Variants in AKR1C3 observed in about 807,000 individuals in gnomAD.
AKR1C3 encodes aldo-keto reductase family 1 member C3.
AKR1C3 carries 48 observed loss-of-function variants against 43.6 expected under a neutral mutation model. The observed-to-expected ratio is 1.10, with a 90% CI of 0.87 to 1.40. The LOEUF (loss-of-function observed/expected upper bound fraction) is 1.40. Among genes scored for constraint, AKR1C3 ranks in the 40% most tolerant of loss-of-function variants. AKR1C3 has a pLI of 0.00. For synonymous variants in AKR1C3, 162 were observed against 139.6 expected, an observed-to-expected ratio of 1.16 and a Z score of -1.13; for missense variants, 482 against 391.2, an observed-to-expected ratio of 1.23 and a Z score of -1.96.
chr10:5,059,551 G>A (rs1400213790), intron 1 of AKR1C3, among the ~76,000 whole-genome samples: 6 of 152,126 alleles, frequency 3.9e-5, no homozygotes, highest in Non-Finnish European at 4.4e-5. Context: ...CAAACCAATG[G>A]TCCCAACTCC....
intron 4 of AKR1C3, 60 bp from the exon 5 acceptor site, chr10:5,099,267 C>T: frequency 6.2e-7 from 1 of 1,610,844 alleles, no homozygotes; most frequent in Non-Finnish European, 8.5e-7. Context: ...TTCTGTCTTG[C>T]ATTTACCGTG....
At chr10:5,103,136 C>A (rs1554786414) in intron 7 of AKR1C3, among the ~76,000 whole-genome samples, 1 of 152,168 alleles carries the variant, frequency 6.6e-6, no homozygotes, top group Non-Finnish European at 1.5e-5. Flanking sequence ...GGCAACCCAC[C>A]TGCTGTGGCC....
At position 5,050,023 on chromosome 10, in the gene AKR1C3, C is replaced by T. The variant is rs2398189; in HGVS notation, c.84+1128C>T. Among the ~76,000 whole-genome samples the T allele has an allele frequency of 1.4e-4, 17 of 120,878 alleles. No homozygotes were observed. The South Asian group carries it at 2.4e-3, about 17-fold the overall frequency. 79.3% of individuals were successfully genotyped at this position (120,878 alleles called of 152,430 possible). ...ACACTGTGGATACTGCCCATGTGGC[C>T]GCATTAGATGTTTCCAAAATTTGTG... On this transcript the variant is annotated intron_variant, in intron 1 of 8. Transcript: ENST00000439082.
chr10:5,084,002 C>G (rs1444500171), intron 1 of AKR1C3, among the ~76,000 whole-genome samples: 2 of 152,144 alleles, frequency 1.3e-5, no homozygotes, highest in Admixed American at 1.3e-4. Context: ...AAGTAGGCTG[C>G]AAAAATTTTC....
intron 1 of AKR1C3, among the ~76,000 whole-genome samples, chr10:5,086,870 T>C (rs1375994757): frequency 1.3e-5 from 2 of 152,172 alleles, no homozygotes; most frequent in Non-Finnish European, 2.9e-5. Context: ...TGGTTTAAAG[T>C]CTGTTTTATC....
In AKR1C3 at chr10:5,095,012, C is replaced by A. The variant is rs530375105; in HGVS notation, c.84+484C>A. On this transcript the variant is annotated intron_variant, in intron 1 of 8. Coordinates refer to ENST00000380554, the MANE Select transcript of AKR1C3 (RefSeq NM_003739.6). Reference sequence around the variant, plus strand: ...GGCAGTGAGTGCCACCCAGTATTACCGGACCTGGACTAGAGTTTCCACTGT... The same window carrying A: ...GGCAGTGAGTGCCACCCAGTATTACAGGACCTGGACTAGAGTTTCCACTGT... Among the ~76,000 whole-genome samples the A allele has an allele frequency of 3.6e-4, 55 of 152,114 alleles. 2 individuals carry two copies. In the Middle Eastern group the frequency reaches 0.024, roughly 66 times the overall value.
chr10:5,085,517 G>T (rs1340576650), intron 1 of AKR1C3, among the ~76,000 whole-genome samples: 5 of 151,846 alleles, frequency 3.3e-5, no homozygotes, highest in Admixed American at 6.5e-5. Flanking sequence ...TTTCATCAGG[G>T]ACATTGGTCT....
intron 5 of AKR1C3, among the ~76,000 whole-genome samples, chr10:5,101,124 CT>C (rs1291316566): frequency 6.6e-6 from 1 of 152,142 alleles, no homozygotes; most frequent in Non-Finnish European, 1.5e-5. Flanking sequence ...ATGGAAATGT[CT>C]TTTATAGTGC....
intron 1 of AKR1C3, among the ~76,000 whole-genome samples, chr10:5,051,285 CG>C (rs1418022628): frequency 1.3e-5 from 2 of 151,936 alleles, no homozygotes; most frequent in African/African-American, 2.4e-5. Flanking sequence ...TTAGTAGAGA[CG>C]GGGTTCCACC....
intron 1 of AKR1C3, among the ~76,000 whole-genome samples, chr10:5,085,500 G>A (rs1187894966): frequency 6.6e-6 from 1 of 151,774 alleles, no homozygotes; most frequent in Admixed American, 6.6e-5. Flanking sequence ...GAGGATTTTT[G>A]CATCGATTTC....
intron 1 of AKR1C3, among the ~76,000 whole-genome samples, chr10:5,072,606 A>G (rs1838634877): frequency 6.6e-6 from 1 of 152,212 alleles, no homozygotes. Context: ...CAAGAAAGAT[A>G]ACTTCCTATC....
At position 5,099,241 on chromosome 10, in the gene AKR1C3, G is replaced by A; in HGVS notation, c.448-86G>A. On this transcript the variant is annotated intron_variant, in intron 4 of 8. Coordinates refer to ENST00000380554, the MANE Select transcript of AKR1C3 (RefSeq NM_003739.6). ...CTATTTTCATTGTCATACTTTGAAA[G>A]TTGTTGCTCTCACAGTTCTGTCTTG... The A allele has an allele frequency of 8.2e-6, 13 of 1,584,142 alleles. 1 individual carries two copies. The South Asian group carries it at 1.3e-4, about 15-fold the overall frequency.
At chr10:5,099,994 CAGAA>C (rs1180785134) in intron 5 of AKR1C3, 1 of 153,666 alleles carries the variant, frequency 6.5e-6, no homozygotes, top group African/African-American at 2.4e-5. Context: ...TCATCCATGT[CAGAA>C]AGAGAAAAAT....
At chr10:5,105,273 C>G (rs1839470372) in intron 7 of AKR1C3, 1 of 189,794 alleles carries the variant, frequency 5.3e-6, no homozygotes, top group Middle Eastern at 1.9e-3. Context: ...TGTGGGCCTT[C>G]TAGGTACATG....
At chr10:5,102,982 C>T (rs1839397746) in intron 7 of AKR1C3, among the ~76,000 whole-genome samples, 1 of 151,376 alleles carries the variant, frequency 6.6e-6, no homozygotes, top group South Asian at 2.1e-4. Context: ...ATTCTGTCTC[C>T]CAGATGGGAT....
chr10:5,079,188 G>A (rs1266188662), intron 1 of AKR1C3, among the ~76,000 whole-genome samples: 7 of 152,194 alleles, frequency 4.6e-5, no homozygotes, highest in African/African-American at 1.7e-4. Flanking sequence ...CTCTTGTCCA[G>A]TGTGTCTGAG....
At chr10:5,087,864 T>C (rs1554783462) in intron 1 of AKR1C3, among the ~76,000 whole-genome samples, 1 of 152,152 alleles carries the variant, frequency 6.6e-6, no homozygotes, top group Non-Finnish European at 1.5e-5. Flanking sequence ...TTTCTTCTGC[T>C]AACTTTGGGC....
At chr10:5,057,465 T>G (rs1490154506) in intron 1 of AKR1C3, among the ~76,000 whole-genome samples, 1 of 151,718 alleles carries the variant, frequency 6.6e-6, no homozygotes, top group African/African-American at 2.4e-5. Flanking sequence ...CTGATATCTG[T>G]GGCTGATTGG....
chr10:5,085,409 C>T (rs373807369), intron 1 of AKR1C3, among the ~76,000 whole-genome samples: 1 of 152,034 alleles, frequency 6.6e-6, no homozygotes, highest in Non-Finnish European at 1.5e-5. Flanking sequence ...ACCAACCTTG[C>T]ATCCCAGGGA....
Sources: gnomAD v4.1 joint callset for allele counts (sites outside exome capture counted in the v4.1 genomes callset) on GRCh38, gnomAD v4.1.1 for gene constraint, MANE v1.5 for transcripts, NCBI Gene and HGNC (gene_info 2026-07-23, HGNC 2026-07-21) for gene names.